EYS: variants seen among roughly 807,000 people sequenced by gnomAD.
The protein encoded by EYS is protein eyes shut homolog.
EYS carries 250 observed loss-of-function variants against 282.1 expected under a neutral mutation model. That is an observed-to-expected ratio of 0.89 (90% CI 0.80 to 0.98). EYS has a LOEUF of 0.98. EYS is among the 50% of genes least tolerant of loss of function. The pLI, the probability that EYS is intolerant of heterozygous loss-of-function variation, is 0.00. For missense variants in EYS, 4,016 were observed against 3,709.0 expected, an observed-to-expected ratio of 1.08 and a Z score of -2.15; for synonymous variants, 1,355 against 1,282.9, an observed-to-expected ratio of 1.06 and a Z score of -1.20.
intron 22 of EYS, among the ~76,000 whole-genome samples, chr6:64,748,233 C>T (rs771503801): frequency 2.6e-5 from 4 of 152,174 alleles, no homozygotes; most frequent in Non-Finnish European, 5.9e-5. Context: ...ATAATAAACA[C>T]ACATCAACAC....
intron 12 of EYS, among the ~76,000 whole-genome samples, chr6:65,273,523 G>T (rs1767960607): frequency 1.3e-5 from 2 of 152,172 alleles, no homozygotes; most frequent in Non-Finnish European, 1.5e-5. Flanking sequence ...CTCCGGAAAG[G>T]CAAGGCCAAA....
chr6:65,266,519 TTAAAAA>T (rs1219772057), intron 12 of EYS, among the ~76,000 whole-genome samples: 1 of 151,962 alleles, frequency 6.6e-6, no homozygotes, highest in Non-Finnish European at 1.5e-5. Context: ...TGAATGAAAT[TTAAAAA>T]TAAAATTTTA....
At chr6:64,069,204 T>A (rs1054450131) in intron 32 of EYS, among the ~76,000 whole-genome samples, 3 of 151,978 alleles carry the variant, frequency 2.0e-5, no homozygotes, top group African/African-American at 7.2e-5. Context: ...AAAGAATAAA[T>A]TTCTATTGTT....
chr6:65,532,397 T>A (rs997887888), intron 2 of EYS, among the ~76,000 whole-genome samples: 49 of 152,306 alleles, frequency 3.2e-4, no homozygotes, highest in African/African-American at 1.2e-3. Context: ...GATGTTAGAA[T>A]ACTTGTTTTG....
intron 5 of EYS, among the ~76,000 whole-genome samples, chr6:65,438,042 T>C (rs989120591): frequency 7.5e-6 from 1 of 133,704 alleles, no homozygotes; most frequent in Non-Finnish European, 1.5e-5. Context: ...GTGTGTGATG[T>C]TCCCTGCCCT....
At chr6:65,482,132 T>C (rs1226805495) in intron 5 of EYS, among the ~76,000 whole-genome samples, 1 of 152,132 alleles carries the variant, frequency 6.6e-6, no homozygotes, top group African/African-American at 2.4e-5. Context: ...ATAATTATCA[T>C]AGTGACTAGA....
At chr6:65,685,057 T>G (rs1383933619) in intron 1 of EYS, among the ~76,000 whole-genome samples, 1 of 151,956 alleles carries the variant, frequency 6.6e-6, no homozygotes, top group Admixed American at 6.6e-5. Flanking sequence ...CTCCTGTTAT[T>G]TTTATGTAGT....
intron 35 of EYS, among the ~76,000 whole-genome samples, chr6:63,983,402 C>T (rs1297082860): frequency 6.6e-6 from 1 of 151,546 alleles, no homozygotes; most frequent in African/African-American, 2.4e-5. Context: ...TCATATCTGC[C>T]CAGTCCTCTG....
chr6:64,789,772 T>A (rs890614513), intron 22 of EYS, among the ~76,000 whole-genome samples: 2 of 152,028 alleles, frequency 1.3e-5, no homozygotes, highest in Non-Finnish European at 2.9e-5. Context: ...TTTTCCTGTA[T>A]CTAATTTTAA....
rs573023572 is a variant in EYS at position 64,045,653 on chromosome 6, G to A, written c.6725+20685C>T. ...GTAGAGACGGGGTTTCACCATGTTG[G>A]CCAGTCTAGTCTCAAACTCCTGACC... On this transcript the variant is annotated intron_variant, in intron 33 of 42. Transcript: ENST00000503581. 1.1e-4 allele frequency among the ~76,000 whole-genome samples: 16 copies of A among 150,584 alleles called. No individual in the cohort carries two copies. The South Asian group carries it at 3.3e-3, about 31-fold the overall frequency.
At chr6:64,281,309 A>G (rs1400718350) in intron 30 of EYS, among the ~76,000 whole-genome samples, 2 of 152,070 alleles carry the variant, frequency 1.3e-5, no homozygotes, top group African/African-American at 4.8e-5. Flanking sequence ...CTTGTATCTT[A>G]TTAAACTGTG....
chr6:64,433,973 G>C (rs1378950363), intron 28 of EYS, among the ~76,000 whole-genome samples: 1 of 151,998 alleles, frequency 6.6e-6, no homozygotes, highest in Non-Finnish European at 1.5e-5. Flanking sequence ...GGGTTGAATT[G>C]TGTTTCACTC....
chr6:63,937,651 G>A (rs958736452), intron 35 of EYS, among the ~76,000 whole-genome samples: 1 of 151,818 alleles, frequency 6.6e-6, no homozygotes, highest in Non-Finnish European at 1.5e-5. Flanking sequence ...AAAGGGCTGG[G>A]ATTATAGGCG....
chr6:64,590,118 CAAT>C, intron 26 of EYS, 102 bp downstream of exon 26: 1 of 963,068 alleles, frequency 1.0e-6, no homozygotes, highest in Non-Finnish European at 1.5e-6. Context: ...GCCCTGATTA[CAAT>C]GAGGCTGTTC....
rs1051852227 is a variant in EYS at position 65,009,932 on chromosome 6, C to T, written c.2138-12229G>A. 3.3e-5 allele frequency among the ~76,000 whole-genome samples: 5 copies of T among 152,090 alleles called. No homozygotes were observed. In the South Asian group the frequency reaches 8.3e-4, roughly 25 times the overall value. Reference sequence around the variant, plus strand: ...GTTCCTTGGCATAACAGGTTTCTGCCGAATATGGATTCCTAGGTATGGCAA... The same window carrying T: ...GTTCCTTGGCATAACAGGTTTCTGCTGAATATGGATTCCTAGGTATGGCAA... On this transcript the variant is annotated intron_variant, in intron 13 of 42. Coordinates refer to ENST00000503581, the MANE Select transcript of EYS (RefSeq NM_001142800.2).
intron 12 of EYS, among the ~76,000 whole-genome samples, chr6:65,281,410 T>C (rs1768217119): frequency 6.6e-6 from 1 of 152,154 alleles, no homozygotes; most frequent in Non-Finnish European, 1.5e-5. Context: ...TATTGTGGGA[T>C]AATTAGTCTC....
At chr6:65,624,978 A>C (rs1766645300) in intron 2 of EYS, among the ~76,000 whole-genome samples, 1 of 152,078 alleles carries the variant, frequency 6.6e-6, no homozygotes, top group Non-Finnish European at 1.5e-5. Flanking sequence ...ATACACATCT[A>C]TCCTATTAAT....
chr6:64,863,920 A>G (rs1193808131), intron 19 of EYS, among the ~76,000 whole-genome samples: 1 of 152,098 alleles, frequency 6.6e-6, no homozygotes, highest in Admixed American at 6.6e-5. Flanking sequence ...AAAATTTCCA[A>G]ATCAACCCTG....
intron 26 of EYS, among the ~76,000 whole-genome samples, chr6:64,544,574 A>T (rs1415754590): frequency 2.0e-5 from 3 of 152,166 alleles, no homozygotes; most frequent in Non-Finnish European, 2.9e-5. Context: ...AAATCAATGA[A>T]TCCAGCAGCT....
Sources: gnomAD v4.1 joint callset for allele counts (sites outside exome capture counted in the v4.1 genomes callset) on GRCh38, gnomAD v4.1.1 for gene constraint, MANE v1.5 for transcripts, NCBI Gene and HGNC (gene_info 2026-07-23, HGNC 2026-07-21) for gene names.